AJAP1: variants seen among roughly 807,000 people sequenced by gnomAD.
AJAP1 encodes adherens junctions associated protein 1.
A neutral mutation model predicts 35.0 loss-of-function variants in AJAP1; 5 were observed. That is an observed-to-expected ratio of 0.14 (90% CI 0.07 to 0.30). The LOEUF is 0.30. Ranked by LOEUF, AJAP1 falls within the 10% of genes least tolerant of loss-of-function variation. AJAP1 has a pLI of 1.00. For missense variants in AJAP1, 586 were observed against 571.0 expected (o/e 1.03, Z -0.27); for synonymous variants, 284 against 249.3 (o/e 1.14, Z -1.31).
intron 2 of AJAP1, among the ~76,000 whole-genome samples, chr1:4,738,624 C>T (rs985589881): frequency 3.3e-5 from 5 of 152,070 alleles, no homozygotes; most frequent in African/African-American, 1.2e-4. Context: ...ATGGCAGCAC[C>T]GCGGGGGTGT....
intron 2 of AJAP1, among the ~76,000 whole-genome samples, chr1:4,760,232 T>A (rs868827715): frequency 7.3e-5 from 7 of 95,622 alleles, no homozygotes; most frequent in Admixed American, 1.1e-4. Context: ...TAAGTGTGTG[T>A]GAGCATGTGT....
chr1:4,664,292 G>A (rs1185988176), intron 1 of AJAP1, among the ~76,000 whole-genome samples: 1 of 152,224 alleles, frequency 6.6e-6, no homozygotes, highest in Non-Finnish European at 1.5e-5. Context: ...CCACCAGGCT[G>A]GGGCAGGCAG....
rs563357425 is a variant in AJAP1, at chr1:4,736,808, C to T, written c.829+24109C>T. On this transcript the variant is annotated intron_variant, in intron 2 of 5. Coordinates refer to ENST00000378191, the MANE Select transcript of AJAP1 (RefSeq NM_018836.4). ...GTATCTGTGGAGAACGTGCGGGGGC[C>T]GCTGGTAAACTTGGAGTGCACAGCT... Among the ~76,000 whole-genome samples the T allele has an allele frequency of 1.1e-4, 16 of 152,270 alleles. No individual in the cohort carries two copies. In the South Asian group the frequency reaches 3.3e-3, roughly 32 times the overall value.
At chr1:4,768,744 C>G (rs1156854460) in intron 2 of AJAP1, among the ~76,000 whole-genome samples, 5 of 152,192 alleles carry the variant, frequency 3.3e-5, no homozygotes, top group African/African-American at 9.7e-5. Context: ...TTGGCGGACT[C>G]CCTCACTGCC....
At chr1:4,660,817 T>C (rs1185919688) in intron 1 of AJAP1, among the ~76,000 whole-genome samples, 1 of 152,192 alleles carries the variant, frequency 6.6e-6, no homozygotes, top group African/African-American at 2.4e-5. Context: ...GTGTTGCTAA[T>C]GTTATGAGAT....
chr1:4,724,598 A>G (rs1462058472), intron 2 of AJAP1, among the ~76,000 whole-genome samples: 2 of 152,012 alleles, frequency 1.3e-5, no homozygotes, highest in Non-Finnish European at 1.5e-5. Flanking sequence ...ATCTGCCTGC[A>G]TGGTGCTTTC....
intron 5 of AJAP1, among the ~76,000 whole-genome samples, chr1:4,776,768 A>G (rs1641948343): frequency 6.6e-6 from 1 of 152,072 alleles, no homozygotes; most frequent in South Asian, 2.1e-4. Flanking sequence ...CCCACTTCCC[A>G]ACTGTGCCTG....
chr1:4,711,816 C>A lies in AJAP1; in HGVS notation c.30-84C>A, dbSNP rs112841138. On this transcript the variant is annotated intron_variant, in intron 1 of 5. Coordinates refer to ENST00000378191, the MANE Select transcript of AJAP1 (RefSeq NM_018836.4). ...AGAAGAGAGCGTCCTTGTCACAGCG[C>A]GGGGTGGAGAGAGAGGGCCCCGGGG... 5.0e-3 allele frequency: 5,446 copies of A among 1,097,064 alleles called. 172 individuals are homozygous for A. In the African/African-American group the frequency reaches 0.075, roughly 15 times the overall value. 68.0% of individuals were successfully genotyped at this position (1,097,064 alleles called of 1,614,324 possible). A position where few individuals can be genotyped will look rare whatever the true frequency, so the allele number is the denominator to read the frequency against.
At chr1:4,707,820 A>G (rs1570136728) in intron 1 of AJAP1, among the ~76,000 whole-genome samples, 1 of 151,962 alleles carries the variant, frequency 6.6e-6, no homozygotes, top group East Asian at 2.0e-4. Context: ...AGGAATTGCC[A>G]AACTGTTTTG....
chr1:4,767,910 A>G (rs1344918744), intron 2 of AJAP1, among the ~76,000 whole-genome samples: 3 of 152,166 alleles, frequency 2.0e-5, no homozygotes, highest in Non-Finnish European at 2.9e-5. Flanking sequence ...ATCCTTTTCA[A>G]TCCTTCCTCT....
intron 1 of AJAP1, among the ~76,000 whole-genome samples, chr1:4,668,675 T>A (rs1207030607): frequency 6.6e-6 from 1 of 152,134 alleles, no homozygotes; most frequent in Non-Finnish European, 1.5e-5. Flanking sequence ...GGGACGGGGA[T>A]TCCTGGGGAG....
chr1:4,758,991 G>T (rs896616147), intron 2 of AJAP1, among the ~76,000 whole-genome samples: 1 of 152,236 alleles, frequency 6.6e-6, no homozygotes, highest in South Asian at 2.1e-4. Flanking sequence ...GCCAGCACCA[G>T]AGCTCAGGTC....
chr1:4,722,278 C>A (rs921993617), intron 2 of AJAP1, among the ~76,000 whole-genome samples: 1 of 152,092 alleles, frequency 6.6e-6, no homozygotes, highest in Non-Finnish European at 1.5e-5. Context: ...TGTGGGTTAG[C>A]AGCACCGAGC....
intron 1 of AJAP1, among the ~76,000 whole-genome samples, chr1:4,664,646 A>G (rs1223381993): frequency 1.3e-5 from 2 of 151,768 alleles, no homozygotes; most frequent in Admixed American, 6.6e-5. Context: ...AGAGCTGGCG[A>G]TTTTGCTCAT....
At chr1:4,657,750 C>G (rs1190922521) in intron 1 of AJAP1, among the ~76,000 whole-genome samples, 1 of 150,976 alleles carries the variant, frequency 6.6e-6, no homozygotes, top group African/African-American at 2.4e-5. Context: ...TTCTTAGTTC[C>G]GGCCCCAGAG....
At chr1:4,768,764 C>T (rs1570219560) in intron 2 of AJAP1, among the ~76,000 whole-genome samples, 1 of 152,194 alleles carries the variant, frequency 6.6e-6, no homozygotes, top group Admixed American at 6.5e-5. Context: ...CTTGATCTTC[C>T]AGCTTCTCAG....
intron 2 of AJAP1, among the ~76,000 whole-genome samples, chr1:4,725,244 C>G (rs1379636233): frequency 6.6e-6 from 1 of 152,182 alleles, no homozygotes; most frequent in African/African-American, 2.4e-5. Flanking sequence ...TTTCAAGTTC[C>G]CTGGAATAGG....
intron 1 of AJAP1, among the ~76,000 whole-genome samples, chr1:4,662,655 A>C (rs1473778814): frequency 6.6e-6 from 1 of 152,216 alleles, no homozygotes; most frequent in Non-Finnish European, 1.5e-5. Context: ...ATGTGTCGTT[A>C]GATGGATGGA....
intron 1 of AJAP1, among the ~76,000 whole-genome samples, chr1:4,699,258 A>T (rs242054): frequency 6.6e-6 from 1 of 152,088 alleles, no homozygotes; most frequent in Admixed American, 6.5e-5. Flanking sequence ...CACCCTGCCC[A>T]CCTCCACCAA....
Sources: gnomAD v4.1 joint callset for allele counts (sites outside exome capture counted in the v4.1 genomes callset) on GRCh38, gnomAD v4.1.1 for gene constraint, MANE v1.5 for transcripts, NCBI Gene and HGNC (gene_info 2026-07-23, HGNC 2026-07-21) for gene names.